The following RPA1 variants were observed in gnomAD, a reference collection of about 807,000 sequenced individuals.
RPA1 encodes the protein replication protein A1.
RPA1 carries 49 observed loss-of-function variants against 83.0 expected under a neutral mutation model. The observed-to-expected ratio is 0.59, with a 90% CI of 0.47 to 0.75. The LOEUF is 0.75. RPA1 is among the 30% of genes least tolerant of loss of function. The pLI is 0.00. For missense variants in RPA1, 693 were observed against 776.1 expected, an observed-to-expected ratio of 0.89 and a Z score of 1.27; for synonymous variants, 279 against 281.8, an observed-to-expected ratio of 0.99 and a Z score of 0.10.
In RPA1 at chr17:1,872,518, C is replaced by A; in HGVS notation, c.446C>A (p.Ser149Ter). Residue 149 changes from serine (S) to a stop codon, truncating the protein, a stop_gained, in exon 6 of 17, where the codon TCG becomes TAG. Coordinates refer to ENST00000254719, the MANE Select transcript of RPA1 (RefSeq NM_002945.5). LOFTEE classifies it high-confidence loss of function. ...AGGCCCCAGCCGCAGAATGGAAGCT[C>A]GGGAATGGGTGAGATGCCTCACGGG... ...SSRPQPQNGSSGMGSTVSKAY... is the reference protein window; with the variant it reads ...SSRPQPQNGS 1 of 1,613,612 alleles carries A rather than the reference C, an allele frequency of 6.2e-7. No individual in the cohort carries two copies. The highest frequency in any genetic ancestry group is 8.5e-7 in the Non-Finnish European group (1 of 1,179,928).
At chr17:1,853,287 T>C (rs1185992186) in intron 5 of RPA1, 98 bp downstream of exon 5, 7 of 913,998 alleles carry the variant, frequency 7.7e-6, no homozygotes, top group Non-Finnish European at 1.1e-5. Context: ...TTAGTGTTAA[T>C]AAAATGATAG....
intron 1 of RPA1, among the ~76,000 whole-genome samples, chr17:1,831,845 C>T (rs1460957392): frequency 2.6e-5 from 4 of 151,316 alleles, no homozygotes; most frequent in Non-Finnish European, 5.9e-5. Flanking sequence ...GTGATTCGCC[C>T]GCCTCGGCCT....
intron 1 of RPA1, among the ~76,000 whole-genome samples, chr17:1,837,383 A>G (rs546342546): frequency 6.6e-6 from 1 of 152,240 alleles, no homozygotes; most frequent in South Asian, 2.1e-4. Context: ...ATTATTGCAC[A>G]TTTGGGTTAT....
rs1427731102 is a variant in RPA1 at position 1,888,728 on chromosome 17, C to T, written c.1428C>T (p.Cys476=). 11 of 1,614,086 alleles carry T rather than the reference C, an allele frequency of 6.8e-6. No homozygotes were observed. Among genetic ancestry groups the T allele is most frequent in the Non-Finnish European group, 9.3e-6 (11 of 1,180,028 alleles). The part of the protein sequence containing the change: ...ATVVYLRKEN[C]MYQACPTQDC... The stretch of plus-strand genomic sequence containing the variant: ...TGGTGTATCTTCGCAAAGAGAACTG[C>T]ATGTACCAAGCCTGCCCGACTCAGG... Residue 476 remains cysteine, a synonymous_variant, in exon 14 of 17, where the codon TGC becomes TGT. Coordinates refer to ENST00000254719, the MANE Select transcript of RPA1 (RefSeq NM_002945.5).
chr17:1,831,057 C>T (rs931254609), intron 1 of RPA1, among the ~76,000 whole-genome samples: 3 of 152,054 alleles, frequency 2.0e-5, no homozygotes, highest in Non-Finnish European at 4.4e-5. Context: ...TGAACCACCG[C>T]GCCTGGCCCC....
chr17:1,897,038 C>T, intron 16 of RPA1, 33 bp from the exon 17 acceptor site: 1 of 1,535,706 alleles, frequency 6.5e-7, no homozygotes, highest in Non-Finnish European at 8.8e-7. Context: ...ACCACACTTT[C>T]ACTGCTCACA....
At chr17:1,874,054 C>T (rs897757677) in intron 6 of RPA1, among the ~76,000 whole-genome samples, 7 of 145,938 alleles carry the variant, frequency 4.8e-5, no homozygotes, top group African/African-American at 1.6e-4. Context: ...CACACACACA[C>T]ACACACACAC....
chr17:1,884,419 G>A lies in RPA1; in HGVS notation c.1374+475G>A, dbSNP rs1337099191. ...TTAACCTCATAGGCTGAGAGCTGCC[G>A]GCATTCCCGGACAAGGATTGGCCCT... On this transcript the variant is annotated intron_variant, in intron 13 of 16. Coordinates refer to ENST00000254719, the MANE Select transcript of RPA1 (RefSeq NM_002945.5). The surrounding 1 kb of genome is among the most constrained non-coding windows in gnomAD (Gnocchi z 4.1). Among the ~76,000 whole-genome samples, 3 of 152,146 alleles carry A rather than the reference G, an allele frequency of 2.0e-5. No individual in the cohort carries two copies. Among genetic ancestry groups the A allele is most frequent in the Non-Finnish European group, 2.9e-5 (2 of 68,020 alleles).
intron 1 of RPA1, among the ~76,000 whole-genome samples, chr17:1,831,756 G>C (rs914903385): frequency 7.3e-5 from 11 of 150,524 alleles, no homozygotes; most frequent in Non-Finnish European, 1.6e-4. Context: ...CCGCCACCAC[G>C]CCCGGCTAAT....
At chr17:1,846,250 G>A (rs531120316) in intron 4 of RPA1, among the ~76,000 whole-genome samples, 1 of 145,152 alleles carries the variant, frequency 6.9e-6, no homozygotes, top group South Asian at 2.2e-4. Flanking sequence ...GGCATTGAAT[G>A]TTGATCTGGA....
chr17:1,864,412 G>A (rs1052481457), intron 5 of RPA1, among the ~76,000 whole-genome samples: 5 of 151,816 alleles, frequency 3.3e-5, no homozygotes, highest in Non-Finnish European at 7.4e-5. Context: ...AGTGGCACGC[G>A]CCTGTATTCC....
intron 4 of RPA1, among the ~76,000 whole-genome samples, chr17:1,852,226 T>C (rs952123772): frequency 6.6e-6 from 1 of 152,174 alleles, no homozygotes; most frequent in African/African-American, 2.4e-5. Flanking sequence ...TTATTGACAG[T>C]ACAGTCTAGT....
chr17:1,890,357 C>CA (rs1377087028), intron 14 of RPA1, among the ~76,000 whole-genome samples: 1 of 151,462 alleles, frequency 6.6e-6, no homozygotes, highest in East Asian at 2.0e-4. Context: ...GAGTCAGACC[C>CA]TGTCTTTAAA....
Position 1,895,089 on chromosome 17 carries a change from C to CT in RPA1, c.1741dup (p.Tyr581LeufsTer8), listed in dbSNP as rs1487883536. The CT allele has an allele frequency of 6.2e-7, 1 of 1,612,964 alleles. No individual in the cohort carries two copies. Among genetic ancestry groups the CT allele is most frequent in the Non-Finnish European group, 8.5e-7 (1 of 1,179,354 alleles). On this transcript the variant is annotated frameshift_variant, in exon 16 of 17. Transcript: ENST00000254719. LOFTEE classifies it high-confidence loss of function. ...TCAGAGTCAGGGTCAAAGTGGAGACCTACAACGTAAGTAAGGGCCTGGGCA... is the reference window on the plus strand; with the variant it reads ...TCAGAGTCAGGGTCAAAGTGGAGACCTTACAACGTAAGTAAGGGCCTGGGCA...
intron 15 of RPA1, among the ~76,000 whole-genome samples, chr17:1,893,853 GTTTTTCCT>G (rs1914289258): frequency 6.6e-6 from 1 of 151,730 alleles, no homozygotes; most frequent in South Asian, 2.1e-4. Flanking sequence ...TCTTCTGAGT[GTTTTTCCT>G]TTTTTTCTTT....
At chr17:1,849,781 ATTT>A (rs1223630785) in intron 4 of RPA1, among the ~76,000 whole-genome samples, 1 of 152,076 alleles carries the variant, frequency 6.6e-6, no homozygotes, top group African/African-American at 2.4e-5. Flanking sequence ...TGCAGGTTTT[ATTT>A]TTTAAGTCCT....
At chr17:1,877,111 C>T (rs1913599805) in intron 7 of RPA1, 101 bp from the exon 8 acceptor site, 5 of 1,085,306 alleles carry the variant, frequency 4.6e-6, no homozygotes, top group African/African-American at 1.6e-5. Flanking sequence ...GGTTGGAAAA[C>T]GGAATATGCG....
At chr17:1,852,534 C>G (rs1912534024) in intron 4 of RPA1, among the ~76,000 whole-genome samples, 1 of 152,058 alleles carries the variant, frequency 6.6e-6, no homozygotes, top group Non-Finnish European at 1.5e-5. Flanking sequence ...ACAGGAAGGC[C>G]AGAGGGCAGA....
chr17:1,832,101 T>C (rs984260094), intron 1 of RPA1, among the ~76,000 whole-genome samples: 2 of 151,914 alleles, frequency 1.3e-5, no homozygotes, highest in African/African-American at 4.8e-5. Context: ...CGTAATTTTT[T>C]GTATTTTTAG....
Sources: allele counts gnomAD v4.1 joint callset (sites outside exome capture counted in the v4.1 genomes callset), GRCh38; gene constraint gnomAD v4.1.1; non-coding constraint Gnocchi (gnomAD v3.1); transcripts MANE v1.5; gene names NCBI Gene and HGNC (gene_info 2026-07-23, HGNC 2026-07-21).